HS3ST5: variants seen among roughly 807,000 people sequenced by gnomAD.
HS3ST5 encodes heparan sulfate glucosamine 3-O-sulfotransferase 5.
Under a neutral mutation model 25.4 loss-of-function variants are expected in HS3ST5, and 10 were observed. The ratio of observed to expected loss-of-function variants is 0.39; its 90% CI spans 0.24 to 0.67. The LOEUF (loss-of-function observed/expected upper bound fraction) is 0.67. Ranked by LOEUF, HS3ST5 falls within the 30% of genes least tolerant of loss-of-function variation. The probability of loss-of-function intolerance (pLI) is 0.44; values close to 1 mark genes in which losing one functional copy is unlikely to be tolerated. For missense variants in HS3ST5, 324 were observed against 420.7 expected, an observed-to-expected ratio of 0.77 and a Z score of 2.01; for synonymous variants, 170 against 162.4, an observed-to-expected ratio of 1.05 and a Z score of -0.36.
intron 2 of HS3ST5, among the ~76,000 whole-genome samples, chr6:114,197,898 C>T (rs1780837783): frequency 6.6e-6 from 1 of 152,038 alleles, no homozygotes; most frequent in South Asian, 2.1e-4. Flanking sequence ...GTTTTGTTAC[C>T]TCCAAAGGAT....
At chr6:114,190,604 C>T (rs1417601742) in intron 2 of HS3ST5, among the ~76,000 whole-genome samples, 1 of 152,110 alleles carries the variant, frequency 6.6e-6, no homozygotes, top group African/African-American at 2.4e-5. Context: ...TTTAGAAGGT[C>T]CCTGATACGT....
At chr6:114,152,398 C>G (rs1268992138) in intron 3 of HS3ST5, among the ~76,000 whole-genome samples, 1 of 152,150 alleles carries the variant, frequency 6.6e-6, no homozygotes, top group Non-Finnish European at 1.5e-5. Flanking sequence ...AACACTCCTA[C>G]CTTCTTAACT....
At chr6:114,312,518 T>C (rs968435321) in intron 1 of HS3ST5, among the ~76,000 whole-genome samples, 2 of 151,964 alleles carry the variant, frequency 1.3e-5, no homozygotes, top group Non-Finnish European at 1.5e-5. Flanking sequence ...ACTTAAAAAA[T>C]AAAACTGAGA....
chr6:114,155,676 A>C (rs1434574014), intron 3 of HS3ST5, among the ~76,000 whole-genome samples: 1 of 152,244 alleles, frequency 6.6e-6, no homozygotes, highest in East Asian at 1.9e-4. Flanking sequence ...CCATTATATC[A>C]TACACCTAAG....
intron 3 of HS3ST5, among the ~76,000 whole-genome samples, chr6:114,105,119 A>G (rs1310628596): frequency 6.6e-6 from 1 of 152,224 alleles, no homozygotes; most frequent in Non-Finnish European, 1.5e-5. Flanking sequence ...GGTCAAAGGA[A>G]TAATTATGAA....
intron 3 of HS3ST5, among the ~76,000 whole-genome samples, chr6:114,103,256 G>A (rs535087237): frequency 3.3e-5 from 5 of 152,186 alleles, no homozygotes; most frequent in South Asian, 2.1e-4. Context: ...CAGGAAGATC[G>A]TTTGAGCTCA....
intron 3 of HS3ST5, among the ~76,000 whole-genome samples, chr6:114,069,924 A>G (rs952013551): frequency 1.3e-5 from 2 of 152,202 alleles, no homozygotes; most frequent in African/African-American, 4.8e-5. Context: ...GTTTACACTT[A>G]CATGGGAGAG....
chr6:114,183,204 T>A (rs1239438357), intron 2 of HS3ST5, among the ~76,000 whole-genome samples: 1 of 152,174 alleles, frequency 6.6e-6, no homozygotes, highest in Non-Finnish European at 1.5e-5. Context: ...GTAGCTCCCA[T>A]AATTCTCTCG....
At chr6:114,112,944 G>A (rs1001326378) in intron 3 of HS3ST5, among the ~76,000 whole-genome samples, 3 of 152,156 alleles carry the variant, frequency 2.0e-5, no homozygotes, top group African/African-American at 7.2e-5. Context: ...CCAATTGAAA[G>A]CCCATCTCTT....
At position 114,248,217 on chromosome 6, in the gene HS3ST5, AAT is replaced by A. The variant is rs34339841; in HGVS notation, c.-338-19441_-338-19440del. On this transcript the variant is annotated intron_variant, in intron 1 of 4. Coordinates refer to ENST00000312719, the MANE Select transcript of HS3ST5 (RefSeq NM_153612.4). ...TTCCATCTCAAAAAATGAAAAAAAA[AAT>A]ATATATATATATATATATAAAATAT... Among the ~76,000 whole-genome samples the A allele has an allele frequency of 2.3e-3, 324 of 143,132 alleles. 1 individual carries two copies. Among genetic ancestry groups the A allele is most frequent in the African/African-American group, 7.8e-3 (305 of 39,254 alleles). 93.9% of individuals were successfully genotyped at this position (143,132 alleles called of 152,430 possible). A position where few individuals can be genotyped will look rare whatever the true frequency, so the allele number is the denominator to read the frequency against.
At chr6:114,315,685 T>A (rs1425059125) in intron 1 of HS3ST5, among the ~76,000 whole-genome samples, 1 of 152,242 alleles carries the variant, frequency 6.6e-6, no homozygotes, top group Non-Finnish European at 1.5e-5. Flanking sequence ...TTTCATGCTC[T>A]GTTTTATGAA....
At chr6:114,132,459 G>C (rs919637876) in intron 3 of HS3ST5, among the ~76,000 whole-genome samples, 2 of 152,236 alleles carry the variant, frequency 1.3e-5, no homozygotes, top group Non-Finnish European at 2.9e-5. Flanking sequence ...GGCCAAGGTA[G>C]TCAGAAAGAG....
chr6:114,226,550 G>A (rs962189959), intron 2 of HS3ST5, among the ~76,000 whole-genome samples: 3 of 151,864 alleles, frequency 2.0e-5, no homozygotes, highest in African/African-American at 7.2e-5. Context: ...TTTTATATGA[G>A]AAACTTTTAT....
chr6:114,106,003 T>C (rs1287497315), intron 3 of HS3ST5, among the ~76,000 whole-genome samples: 1 of 152,306 alleles, frequency 6.6e-6, no homozygotes, highest in East Asian at 1.9e-4. Context: ...AATGTTGTTT[T>C]CGATTTGGGC....
At chr6:114,298,363 T>C (rs1774918770) in intron 1 of HS3ST5, among the ~76,000 whole-genome samples, 1 of 152,252 alleles carries the variant, frequency 6.6e-6, no homozygotes, top group Admixed American at 6.5e-5. Context: ...ACACTAATTC[T>C]GTAACACAAA....
chr6:114,216,831 C>A (rs1332787937), intron 2 of HS3ST5, among the ~76,000 whole-genome samples: 1 of 151,146 alleles, frequency 6.6e-6, no homozygotes, highest in Non-Finnish European at 1.5e-5. Flanking sequence ...TGGGGAAGGA[C>A]TTCATGGCTG....
intron 1 of HS3ST5, among the ~76,000 whole-genome samples, chr6:114,265,024 T>C (rs1162737545): frequency 6.6e-6 from 1 of 151,996 alleles, no homozygotes; most frequent in East Asian, 1.9e-4. Context: ...GGACTACAGG[T>C]GCATGCCACC....
chr6:114,303,853 A>C (rs1775184150), intron 1 of HS3ST5, among the ~76,000 whole-genome samples: 1 of 152,166 alleles, frequency 6.6e-6, no homozygotes, highest in South Asian at 2.1e-4. Context: ...ATAAATCAGA[A>C]TGTGATTTTC....
intron 3 of HS3ST5, among the ~76,000 whole-genome samples, chr6:114,071,794 T>C (rs1168499641): frequency 6.6e-6 from 1 of 152,266 alleles, no homozygotes; most frequent in African/African-American, 2.4e-5. Context: ...CGAATACTCA[T>C]ATATCCTTTG....
Sources: allele counts gnomAD v4.1 joint callset (sites outside exome capture counted in the v4.1 genomes callset), GRCh38; gene constraint gnomAD v4.1.1; transcripts MANE v1.5; gene names NCBI Gene and HGNC (gene_info 2026-07-23, HGNC 2026-07-21).